The following STK10 variants were observed in gnomAD, a reference collection of about 807,000 sequenced individuals.
The protein encoded by STK10 is serine/threonine-protein kinase 10.
STK10 carries 78 observed loss-of-function variants against 113.8 expected under a neutral mutation model. The ratio of observed to expected loss-of-function variants is 0.69; its 90% CI spans 0.57 to 0.83. The LOEUF (loss-of-function observed/expected upper bound fraction) is 0.83, where lower values mean the gene tolerates loss of function less well. Ranked by LOEUF, STK10 falls within the 40% of genes least tolerant of loss-of-function variation. The pLI is 0.00. For missense variants in STK10, 1,109 were observed against 1,280.1 expected (o/e 0.87, Z 2.04); for synonymous variants, 465 against 494.7 (o/e 0.94, Z 0.80).
intron 4 of STK10, among the ~76,000 whole-genome samples, chr5:172,109,536 G>T (rs879306813): frequency 4.0e-5 from 6 of 151,848 alleles, no homozygotes; most frequent in Admixed American, 3.9e-4. Context: ...TTGAACCCTG[G>T]GCTCAAGCAA....
intron 12 of STK10, among the ~76,000 whole-genome samples, chr5:172,067,729 G>T (rs4868138): frequency 6.6e-6 from 1 of 151,752 alleles, no homozygotes; most frequent in Admixed American, 6.6e-5. Context: ...TCACAGAGGA[G>T]GGTCATTCAT....
rs189496529 is a variant in STK10 at position 172,122,845 on chromosome 5, G to A, written c.370+4528C>T. 8.3e-3 allele frequency among the ~76,000 whole-genome samples: 1,264 copies of A among 152,220 alleles called. 18 individuals are homozygous for A. The highest frequency in any genetic ancestry group is 0.028 in the African/African-American group (1,143 of 41,532). On this transcript the variant is annotated intron_variant, in intron 3 of 18. Coordinates refer to ENST00000176763, the MANE Select transcript of STK10 (RefSeq NM_005990.4). ...TCACCATGTTAGCCAGGATGGTCTC[G>A]ATCTCCTGACCTCATGATCCACCCG...
At chr5:172,131,057 A>G (rs1466775101) in intron 2 of STK10, among the ~76,000 whole-genome samples, 4 of 122,596 alleles carry the variant, frequency 3.3e-5, no homozygotes, top group Non-Finnish European at 4.9e-5. Flanking sequence ...TTTTTTTGAC[A>G]GAGTCTCACT....
In STK10 at chr5:172,188,104, G is replaced by C; in HGVS notation, c.-62C>G. 1 of 1,568,322 alleles carries C rather than the reference G, an allele frequency of 6.4e-7. No individual in the cohort carries two copies. The highest frequency in any genetic ancestry group is 8.6e-7 in the Non-Finnish European group (1 of 1,157,654). The stretch of plus-strand genomic sequence containing the variant: ...TCGGGCTCGGGCTGTGGCTTCGGCG[G>C]CCGCGAGGAGAAGGAGGAGGAGTTG... On this transcript the variant is annotated 5_prime_UTR_variant, in exon 1 of 19. Transcript: ENST00000176763. This position sits in a 1 kb window ranked among gnomAD's most constrained non-coding sequence, Gnocchi z 5.6.
rs548058414 is a variant in STK10, at chr5:172,186,456, T to C, written c.156+1431A>G. 1.5e-4 allele frequency among the ~76,000 whole-genome samples: 22 copies of C among 151,372 alleles called. No homozygotes were observed. In the South Asian group the frequency reaches 4.6e-3, roughly 32 times the overall value. ...CTGGGCTACGTGGCGAAACCCCAAG[T>C]CTACAAAAAATACAAAAATTAGCCG... is the stretch of plus-strand genomic sequence containing the variant. On this transcript the variant is annotated intron_variant, in intron 1 of 18. Transcript: ENST00000176763.
At chr5:172,092,850 A>G (rs953346298) in intron 9 of STK10, 2 of 152,542 alleles carry the variant, frequency 1.3e-5, no homozygotes, top group Admixed American at 1.3e-4. Context: ...GGGTCTGTCC[A>G]TCTTCCCACT....
rs748843140 is a variant in STK10, at chr5:172,103,481, C to T, written c.870+2175G>A. Among the ~76,000 whole-genome samples, 150 of 152,196 alleles carry T rather than the reference C, an allele frequency of 9.9e-4. 1 individual carries two copies. Among genetic ancestry groups the T allele is most frequent in the Middle Eastern group, 6.8e-3 (2 of 294 alleles). ...GGGGATGGGGGACAGCTGGTCTCTC[C>T]GTGGAATGTCCTGGAGGCCGGATGT... On this transcript the variant is annotated intron_variant, in intron 7 of 18. Coordinates refer to ENST00000176763, the MANE Select transcript of STK10 (RefSeq NM_005990.4).
At chr5:172,056,934 GAAAA>G in intron 15 of STK10, 1 of 94,024 alleles carries the variant, frequency 1.1e-5, no homozygotes, top group Admixed American at 1.3e-4. Context: ...AGGAAGGAAA[GAAAA>G]GAAAGAAAGA....
chr5:172,080,553 C>T lies in STK10; in HGVS notation c.1989+1773G>A, dbSNP rs1385982979. Among the ~76,000 whole-genome samples, 5 of 152,380 alleles carry T rather than the reference C, an allele frequency of 3.3e-5. No homozygotes were observed. In the East Asian group the frequency reaches 9.6e-4, roughly 29 times the overall value. On this transcript the variant is annotated intron_variant, in intron 12 of 18. Coordinates refer to ENST00000176763, the MANE Select transcript of STK10 (RefSeq NM_005990.4). ...GAACACGAATGATGAGAAAGCAAAA[C>T]AGCCTATGCTGAGATAAACTTTGAG...
At chr5:172,163,189 T>C (rs1770503348) in intron 1 of STK10, among the ~76,000 whole-genome samples, 4 of 152,182 alleles carry the variant, frequency 2.6e-5, no homozygotes, top group South Asian at 4.1e-4. Flanking sequence ...TTAAACGGAA[T>C]TTCTCACTTC....
intron 2 of STK10, among the ~76,000 whole-genome samples, chr5:172,147,797 C>CTT (rs1360438662): frequency 5.3e-5 from 8 of 152,154 alleles, no homozygotes; most frequent in Non-Finnish European, 8.8e-5. Flanking sequence ...AGGCAGGTGA[C>CTT]AGGAGGACAG....
Position 172,061,030 on chromosome 5 carries a change from T to C in STK10, c.2212+109A>G. The C allele has an allele frequency of 2.1e-6, 3 of 1,442,574 alleles. No individual in the cohort carries two copies. The South Asian group carries it at 4.5e-5, about 21-fold the overall frequency. 89.4% of individuals were successfully genotyped at this position (1,442,574 alleles called of 1,614,324 possible). ...CCCCATGAAGAATGATGTTTAGTTT[T>C]GGGGATGGAGAAGGCCTGGGAGGTT... is the stretch of plus-strand genomic sequence containing the variant. On this transcript the variant is annotated intron_variant, in intron 14 of 18. Coordinates refer to ENST00000176763, the MANE Select transcript of STK10 (RefSeq NM_005990.4).
intron 12 of STK10, among the ~76,000 whole-genome samples, chr5:172,071,313 A>G (rs1247109071): frequency 2.1e-5 from 3 of 139,800 alleles, no homozygotes; most frequent in East Asian, 4.4e-4. Flanking sequence ...GAAGAAATAG[A>G]TAACTAAAAC....
chr5:172,180,650 A>C (rs1285178263), intron 1 of STK10, among the ~76,000 whole-genome samples: 2 of 151,608 alleles, frequency 1.3e-5, no homozygotes, highest in Admixed American at 6.6e-5. Flanking sequence ...AACAACAAAA[A>C]AAAAAAACAT....
chr5:172,102,033 C>T (rs527480067), intron 7 of STK10, among the ~76,000 whole-genome samples: 72 of 152,072 alleles, frequency 4.7e-4, no homozygotes, highest in African/African-American at 1.7e-3. Context: ...TAGAGTGAAA[C>T]GGGAGCCACT....
rs555357343 is a variant in STK10, at chr5:172,116,835, T to C, written c.520+646A>G. Among the ~76,000 whole-genome samples the C allele has an allele frequency of 2.0e-5, 3 of 152,178 alleles. No homozygotes were observed. The South Asian group carries it at 6.2e-4, about 32-fold the overall frequency. On this transcript the variant is annotated intron_variant, in intron 4 of 18. Coordinates refer to ENST00000176763, the MANE Select transcript of STK10 (RefSeq NM_005990.4). ...GTGAGCCGAGATTTCGCCACTGCACTCCAGCCTGGATAACAGAGTGAGACT... is the reference window on the plus strand; with the variant it reads ...GTGAGCCGAGATTTCGCCACTGCACCCCAGCCTGGATAACAGAGTGAGACT...
At chr5:172,167,514 A>G (rs1364296518) in intron 1 of STK10, among the ~76,000 whole-genome samples, 2 of 152,226 alleles carry the variant, frequency 1.3e-5, no homozygotes, top group Admixed American at 1.3e-4. Flanking sequence ...TCTGGCAATT[A>G]TCCACAGGGG....
rs528937204 is a variant in STK10 at position 172,096,240 on chromosome 5, C to G, written c.1005+186G>C. ...CAGGATCGGGATCTGGCCAACACCC[C>G]CTGCTGCCTCACCCCGGCCCACATG... is the stretch of plus-strand genomic sequence containing the variant. On this transcript the variant is annotated intron_variant, in intron 8 of 18. Coordinates refer to ENST00000176763, the MANE Select transcript of STK10 (RefSeq NM_005990.4). Among the ~76,000 whole-genome samples, 5 of 152,320 alleles carry G rather than the reference C, an allele frequency of 3.3e-5. No homozygotes were observed. In the East Asian group the frequency reaches 7.7e-4, roughly 24 times the overall value.
At chr5:172,173,818 G>A (rs1350242777) in intron 1 of STK10, among the ~76,000 whole-genome samples, 6 of 152,216 alleles carry the variant, frequency 3.9e-5, no homozygotes, top group Non-Finnish European at 8.8e-5. Context: ...AACAATCACA[G>A]TAACAGCCAC....
Sources: gnomAD v4.1 joint callset for allele counts (sites outside exome capture counted in the v4.1 genomes callset) on GRCh38, gnomAD v4.1.1 for gene constraint, Gnocchi (gnomAD v3.1) non-coding constraint, MANE v1.5 for transcripts, NCBI Gene and HGNC (gene_info 2026-07-23, HGNC 2026-07-21) for gene names.